FLT1: variants seen among roughly 807,000 people sequenced by gnomAD.
FLT1 encodes the protein fms related receptor tyrosine kinase 1.
In FLT1, 49 loss-of-function variants were observed where a neutral mutation model predicts 156.3. The observed-to-expected ratio is 0.31, with a 90% CI of 0.25 to 0.40. The LOEUF is 0.40. Ranked by LOEUF, FLT1 falls within the 10% of genes least tolerant of loss-of-function variation. The probability of loss-of-function intolerance (pLI) is 1.00; values close to 1 mark genes in which losing one functional copy is unlikely to be tolerated. For synonymous variants in FLT1, 594 were observed against 583.8 expected (o/e 1.02, Z -0.25); for missense variants, 1,322 against 1,637.2 (o/e 0.81, Z 3.32).
chr13:28,389,940 T>G lies in FLT1; in HGVS notation c.1825A>C (p.Met609Leu). Reference sequence around the variant, plus strand: ...ATGGAGTGCTCCTTAGTGATGGCCATTTTTTGCTTGCTAATACTGTAGTGC... The same window carrying G: ...ATGGAGTGCTCCTTAGTGATGGCCAGTTTTTGCTTGCTAATACTGTAGTGC... ...TMHYSISKQK[M>L]AITKEHSITL... The change falls in exon 13 of 30, where the codon ATG (methionine) becomes CTG (leucine). Residue 609 changes from methionine (M) to leucine (L), a missense_variant. Met to Leu is a conservative substitution (Grantham distance 15). Around this residue, in one of 3 missense-constraint regions of FLT1, gnomAD observed 991 missense variants for 1,254.8 expected, o/e 0.79. Coordinates refer to ENST00000282397, the MANE Select transcript of FLT1 (RefSeq NM_002019.4). 1 of 1,614,160 alleles carries G rather than the reference T, an allele frequency of 6.2e-7. No individual in the cohort carries two copies. Among genetic ancestry groups the G allele is most frequent in the South Asian group, 1.1e-5 (1 of 91,082 alleles).
At chr13:28,368,686 T>C (rs1334903990) in intron 14 of FLT1, 4 of 799,586 alleles carry the variant, frequency 5.0e-6, no homozygotes, top group East Asian at 5.3e-5. Flanking sequence ...TAAATAATCA[T>C]ATCTTTAGAT....
Position 28,446,805 on chromosome 13 carries a change from T to G in FLT1, c.389-8460A>C, listed in dbSNP as rs1014842982. ...GAAATTGACAAGGTGATTCTAAAAT[T>G]CATATGAAATTGCAAGAGACCCAGA... On this transcript the variant is annotated intron_variant, in intron 3 of 29. Coordinates refer to ENST00000282397, the MANE Select transcript of FLT1 (RefSeq NM_002019.4). 3.3e-5 allele frequency among the ~76,000 whole-genome samples: 5 copies of G among 152,296 alleles called. No homozygotes were observed. In the South Asian group the frequency reaches 8.3e-4, roughly 25 times the overall value.
intron 17 of FLT1, among the ~76,000 whole-genome samples, chr13:28,334,535 T>C (rs1872046128): frequency 6.6e-6 from 1 of 152,200 alleles, no homozygotes; most frequent in African/African-American, 2.4e-5. Flanking sequence ...TTTTCTCTCA[T>C]CTGTTTTCAG....
At chr13:28,414,303 A>T (rs911573822) in intron 10 of FLT1, among the ~76,000 whole-genome samples, 3 of 152,198 alleles carry the variant, frequency 2.0e-5, no homozygotes, top group African/African-American at 7.2e-5. Flanking sequence ...TACTAGTCTT[A>T]CACATTTTTT....
At chr13:28,410,821 A>G (rs1376206059) in intron 10 of FLT1, among the ~76,000 whole-genome samples, 1 of 152,236 alleles carries the variant, frequency 6.6e-6, no homozygotes, top group Non-Finnish European at 1.5e-5. Context: ...TGAGACTCAG[A>G]AAAATCAAAT....
intron 23 of FLT1, 43 bp from the exon 24 acceptor site, chr13:28,319,577 C>A (rs371789421): frequency 8.3e-7 from 1 of 1,199,000 alleles, no homozygotes; most frequent in Non-Finnish European, 1.2e-6. Flanking sequence ...GGCATGAAAA[C>A]AAAGCACATT....
rs185134197 is a variant in FLT1 at position 28,412,670 on chromosome 13, C to T, written c.1437-6776G>A. Among the ~76,000 whole-genome samples the T allele has an allele frequency of 4.4e-3, 672 of 151,048 alleles. 7 individuals are homozygous for T. Among genetic ancestry groups the T allele is most frequent in the African/African-American group, 0.016 (640 of 41,038 alleles). ...TCCTGACCTCAAGTGATCCACCCGC[C>T]TTGGCCTCCCAAAGTGCTGGGGTTA... On this transcript the variant is annotated intron_variant, in intron 10 of 29. Transcript: ENST00000282397.
At chr13:28,387,983 G>T in intron 13 of FLT1, 1 of 1,060,368 alleles carries the variant, frequency 9.4e-7, no homozygotes, top group Admixed American at 5.4e-5. Context: ...GGTTCTGCAT[G>T]TCCAATTCAC....
intron 12 of FLT1, among the ~76,000 whole-genome samples, chr13:28,394,239 C>T (rs1282879310): frequency 1.3e-5 from 2 of 152,136 alleles, no homozygotes; most frequent in Non-Finnish European, 2.9e-5. Context: ...AAGTATATTC[C>T]AGGCAATGAG....
At chr13:28,393,154 T>G (rs1206957386) in intron 12 of FLT1, among the ~76,000 whole-genome samples, 1 of 152,158 alleles carries the variant, frequency 6.6e-6, no homozygotes, top group African/African-American at 2.4e-5. Context: ...ATCTAACATA[T>G]TATCACATCC....
In FLT1 at chr13:28,322,631, T is replaced by G. The variant is rs933323836; in HGVS notation, c.2953+159A>C. 3.8e-6 allele frequency: 3 copies of G among 791,702 alleles called. No homozygotes were observed. Among genetic ancestry groups the G allele is most frequent in the Non-Finnish European group, 6.5e-6 (3 of 463,820 alleles). The allele number at this position is 791,702 out of a possible 1,614,324, so 49.0% of individuals were successfully genotyped here. On this transcript the variant is annotated intron_variant, in intron 21 of 29. Transcript: ENST00000282397. This position sits in a 1 kb window ranked among gnomAD's most constrained non-coding sequence, Gnocchi z 4.3. ...AGTTCCCTGTCAAAATTAGTAACTCTGTAAATTATCTTAATTCAAATCTTA... is the reference window on the plus strand; with the variant it reads ...AGTTCCCTGTCAAAATTAGTAACTCGGTAAATTATCTTAATTCAAATCTTA...
At chr13:28,462,188 C>T (rs932409617) in intron 3 of FLT1, among the ~76,000 whole-genome samples, 3 of 152,206 alleles carry the variant, frequency 2.0e-5, no homozygotes, top group African/African-American at 7.2e-5. Context: ...ATTAAAGATA[C>T]TGACAAGTGT....
intron 1 of FLT1, among the ~76,000 whole-genome samples, chr13:28,491,936 T>G (rs1404713212): frequency 1.3e-5 from 2 of 152,194 alleles, no homozygotes; most frequent in Non-Finnish European, 2.9e-5. Flanking sequence ...TGTAACAAAG[T>G]GCTAAAATAG....
At chr13:28,367,718 A>G (rs1253291629) in intron 14 of FLT1, among the ~76,000 whole-genome samples, 1 of 152,218 alleles carries the variant, frequency 6.6e-6, no homozygotes, top group African/African-American at 2.4e-5. Context: ...CCCACACACA[A>G]AAGTGGCTTG....
At chr13:28,383,778 G>A (rs1285296731) in intron 14 of FLT1, among the ~76,000 whole-genome samples, 1 of 151,822 alleles carries the variant, frequency 6.6e-6, no homozygotes, top group Non-Finnish European at 1.5e-5. Flanking sequence ...GCAGTGAGCT[G>A]AGTGAGATCG....
chr13:28,315,830 C>T (rs1222384796), intron 25 of FLT1, among the ~76,000 whole-genome samples: 1 of 152,142 alleles, frequency 6.6e-6, no homozygotes, highest in East Asian at 1.9e-4. Context: ...AATTCATCAG[C>T]CGTGGTCTAG....
rs745943243 is a variant in FLT1, at chr13:28,311,597, C to A, written c.3628G>T (p.Asp1210Tyr). 6.2e-7 allele frequency: 1 copy of A among 1,613,220 alleles called. No homozygotes were observed. The highest frequency in any genetic ancestry group is 1.1e-5 in the South Asian group (1 of 91,048). Residue 1210 changes from aspartate to tyrosine, a missense_variant, in exon 27 of 30, where the codon GAT becomes TAT. By Grantham distance (160) the Asp-to-Tyr change is radical (BLOSUM62 -3). This residue lies in a region of FLT1 where 329 missense variants were observed against 366.2 expected (regional missense o/e 0.90). Transcript: ENST00000282397. ...APKFNSGSSD[D>Y]VRYVNAFKFM... is the part of the protein sequence containing the mutation. ...TTGAGAAAGAAATCTTACCTGACATCATCAGAGCTTCCTGAATTAAACTTC... is the reference window on the plus strand; with the variant it reads ...TTGAGAAAGAAATCTTACCTGACATAATCAGAGCTTCCTGAATTAAACTTC...
intron 15 of FLT1, among the ~76,000 whole-genome samples, chr13:28,351,494 G>A (rs148308460): frequency 6.6e-6 from 1 of 152,164 alleles, no homozygotes; most frequent in African/African-American, 2.4e-5. Flanking sequence ...CATAATCCAG[G>A]TAACCTTACT....
intron 15 of FLT1, among the ~76,000 whole-genome samples, chr13:28,356,006 G>A (rs1872884597): frequency 1.3e-5 from 2 of 152,196 alleles, no homozygotes; most frequent in Non-Finnish European, 2.9e-5. Flanking sequence ...TCATACCCAG[G>A]CTCCTCCCAG....
Sources: gnomAD v4.1 joint callset for allele counts (sites outside exome capture counted in the v4.1 genomes callset) on GRCh38, gnomAD v4.1.1 for gene constraint, gnomAD v4.1.1 regional missense constraint, Gnocchi (gnomAD v3.1) non-coding constraint, MANE v1.5 for transcripts, NCBI Gene and HGNC (gene_info 2026-07-23, HGNC 2026-07-21) for gene names.